The following TTC27 variants were observed in gnomAD, a reference collection of about 807,000 sequenced individuals.
TTC27 encodes the protein tetratricopeptide repeat domain 27, also known as tetratricopeptide repeat protein 27.
In TTC27, 79 loss-of-function variants were observed where a neutral mutation model predicts 115.9. The ratio of observed to expected loss-of-function variants is 0.68; its 90% confidence interval spans 0.57 to 0.82. The LOEUF (loss-of-function observed/expected upper bound fraction) is 0.82. TTC27 is among the 40% of genes least tolerant of loss of function. The pLI is 0.00. For missense variants in TTC27, 1,054 were observed against 993.1 expected (o/e 1.06, Z -0.82); for synonymous variants, 401 against 356.0 (o/e 1.13, Z -1.42).
chr2:32,804,507 G>C (rs1454535746), intron 16 of TTC27, among the ~76,000 whole-genome samples: 3 of 152,124 alleles, frequency 2.0e-5, no homozygotes, highest in African/African-American at 7.2e-5. Context: ...TGGTCTATCA[G>C]TCCAGTGGAA....
chr2:32,663,943 A>G (rs1311807834), intron 5 of TTC27, among the ~76,000 whole-genome samples: 4 of 151,314 alleles, frequency 2.6e-5, no homozygotes, highest in East Asian at 1.9e-4. Flanking sequence ...TCGGCCTCGC[A>G]AGGTACAGGG....
At chr2:32,777,477 A>G (rs1572604010) in intron 13 of TTC27, among the ~76,000 whole-genome samples, 1 of 152,208 alleles carries the variant, frequency 6.6e-6, no homozygotes, top group East Asian at 1.9e-4. Flanking sequence ...ATGCTATATA[A>G]TTTGTATTGT....
chr2:32,672,248 G>T (rs749006795), intron 7 of TTC27, 24 bp from the exon 8 acceptor site: 18 of 1,564,488 alleles, frequency 1.2e-5, no homozygotes, highest in Non-Finnish European at 1.5e-5. Context: ...TTTGGTCTAA[G>T]TATTTTCTTT....
At chr2:32,740,571 A>C (rs1179619769) in intron 12 of TTC27, among the ~76,000 whole-genome samples, 1 of 151,992 alleles carries the variant, frequency 6.6e-6, no homozygotes. Context: ...TTCTCACCCC[A>C]AGTAACTTCT....
chr2:32,805,179 C>G (rs1671086785), intron 16 of TTC27, among the ~76,000 whole-genome samples: 1 of 152,188 alleles, frequency 6.6e-6, no homozygotes, highest in Admixed American at 6.5e-5. Flanking sequence ...GGTTCTTCAG[C>G]TCCTCTGTGC....
intron 1 of TTC27, 112 bp from the exon 2 acceptor site, chr2:32,630,411 G>C (rs930070903): frequency 1.3e-6 from 1 of 753,048 alleles, no homozygotes; most frequent in Non-Finnish European, 2.1e-6. Context: ...ATCATTCTAA[G>C]TCTATAGATT....
rs539368562 is a variant in TTC27, at chr2:32,739,290, A to C, written c.1452+2474A>C. Reference sequence around the variant, plus strand: ...ATAAAAATATGGTAGTTTTTGAAATAATAATATTTGAAATAAGCAAGTTGG... The same window carrying C: ...ATAAAAATATGGTAGTTTTTGAAATCATAATATTTGAAATAAGCAAGTTGG... On this transcript the variant is annotated intron_variant, in intron 12 of 19. Coordinates refer to ENST00000317907, the MANE Select transcript of TTC27 (RefSeq NM_017735.5). 3.9e-5 allele frequency among the ~76,000 whole-genome samples: 6 copies of C among 152,350 alleles called. No homozygotes were observed. In the East Asian group the frequency reaches 1.2e-3, roughly 29 times the overall value.
At chr2:32,663,166 C>T (rs1003110316) in intron 5 of TTC27, among the ~76,000 whole-genome samples, 1 of 152,146 alleles carries the variant, frequency 6.6e-6, no homozygotes. Flanking sequence ...GCTTCAGGCC[C>T]CTTTCCAGGG....
intron 5 of TTC27, among the ~76,000 whole-genome samples, chr2:32,651,001 C>G (rs1278132922): frequency 6.6e-6 from 1 of 150,506 alleles, no homozygotes; most frequent in Non-Finnish European, 1.5e-5. Context: ...TTTTTTTTGG[C>G]AAAAGTTGCC....
At chr2:32,671,283 G>A (rs1047593053) in intron 7 of TTC27, among the ~76,000 whole-genome samples, 3 of 86,560 alleles carry the variant, frequency 3.5e-5, no homozygotes, top group African/African-American at 8.7e-5. Context: ...TGAGATAAAC[G>A]TGAAGGGTCA....
intron 3 of TTC27, among the ~76,000 whole-genome samples, chr2:32,637,747 G>T (rs965765974): frequency 5.9e-5 from 9 of 152,142 alleles, no homozygotes; most frequent in African/African-American, 1.7e-4. Context: ...ATCCGATGAG[G>T]CTGCAGGTCT....
At chr2:32,735,809 C>G (rs773900356) in intron 11 of TTC27, among the ~76,000 whole-genome samples, 3 of 152,150 alleles carry the variant, frequency 2.0e-5, no homozygotes, top group Non-Finnish European at 4.4e-5. Context: ...ATTATATTCT[C>G]TAAAATAGCC....
At chr2:32,708,527 C>T (rs1033290202) in intron 10 of TTC27, among the ~76,000 whole-genome samples, 1 of 151,806 alleles carries the variant, frequency 6.6e-6, no homozygotes, top group Non-Finnish European at 1.5e-5. Context: ...TCAGGCTGGT[C>T]TTGAACTCCT....
At chr2:32,642,247 AT>A (rs10634857) in intron 4 of TTC27, among the ~76,000 whole-genome samples, 1,406 of 102,110 alleles carry the variant, frequency 0.014, 1 homozygote, top group Middle Eastern at 0.054. Flanking sequence ...TATACACTAA[AT>A]TTTTTTTTTT....
chr2:32,684,000 A>G (rs1192904018), intron 9 of TTC27, among the ~76,000 whole-genome samples: 5 of 152,162 alleles, frequency 3.3e-5, no homozygotes, highest in African/African-American at 9.6e-5. Context: ...CTAAAAAAAA[A>G]TACAAAAATT....
At chr2:32,780,763 A>G (rs1387257090) in intron 14 of TTC27, among the ~76,000 whole-genome samples, 2 of 151,808 alleles carry the variant, frequency 1.3e-5, no homozygotes, top group African/African-American at 2.4e-5. Context: ...TGGATTGTCT[A>G]TTGTTAGCAT....
intron 16 of TTC27, among the ~76,000 whole-genome samples, chr2:32,789,023 G>T (rs1034193485): frequency 1.3e-5 from 2 of 152,110 alleles, no homozygotes; most frequent in African/African-American, 4.8e-5. Flanking sequence ...TGGGGGATAG[G>T]ATTATACTGT....
rs1454826952 is a variant in TTC27 at position 32,723,728 on chromosome 2, C to CTCCCTCCCTCCGTCCTTCCTTCCTTCCT, written c.1234-10097_1234-10096insCTCCCTCCGTCCTTCCTTCCTTCCTTCC. 7.0e-3 allele frequency among the ~76,000 whole-genome samples: 208 copies of CTCCCTCCCTCCGTCCTTCCTTCCTTCCT among 29,532 alleles called. 16 individuals are homozygous for CTCCCTCCCTCCGTCCTTCCTTCCTTCCT. The highest frequency in any genetic ancestry group is 0.03 in the African/African-American group (178 of 5,838). 19.4% of individuals were successfully genotyped at this position (29,532 alleles called of 152,430 possible). On this transcript the variant is annotated intron_variant, in intron 10 of 19. Transcript: ENST00000317907. ...CCTCCCTCCCTCCCTCCCTCCCTCC[C>CTCCCTCCCTCCGTCCTTCCTTCCTTCCT]TCCTTCCTTCCTTCCTTCCTTCCTT...
At chr2:32,640,226 A>G in intron 3 of TTC27, 44 bp from the exon 4 acceptor site, 1 of 1,544,514 alleles carries the variant, frequency 6.5e-7, no homozygotes, top group Non-Finnish European at 8.8e-7. Flanking sequence ...AAAGATTAAT[A>G]TTTTGTTAAA....
Sources: allele counts gnomAD v4.1 joint callset (sites outside exome capture counted in the v4.1 genomes callset), GRCh38; gene constraint gnomAD v4.1.1; transcripts MANE v1.5; gene names NCBI Gene and HGNC (gene_info 2026-07-23, HGNC 2026-07-21).